ANKS1A: variants seen among roughly 807,000 people sequenced by gnomAD.
ANKS1A encodes the protein ankyrin repeat and sterile alpha motif domain containing 1A, also known as ankyrin repeat and SAM domain-containing protein 1A.
Under a neutral mutation model 120.3 loss-of-function variants are expected in ANKS1A, and 55 were observed. That is an observed-to-expected ratio of 0.46 (90% CI 0.37 to 0.57). The LOEUF is 0.57. ANKS1A is among the 20% of genes least tolerant of loss of function. The pLI is 0.00. For missense variants in ANKS1A, 1,123 were observed against 1,480.3 expected (o/e 0.76, Z 3.96); for synonymous variants, 590 against 604.7 (o/e 0.98, Z 0.36).
chr6:35,062,044 G>A (rs1046193357), intron 13 of ANKS1A, among the ~76,000 whole-genome samples: 5 of 152,254 alleles, frequency 3.3e-5, no homozygotes, highest in Admixed American at 2.0e-4. Flanking sequence ...CAAATAGCCC[G>A]AGACTCCGTA....
At chr6:35,016,437 T>C (rs1774008340) in intron 10 of ANKS1A, among the ~76,000 whole-genome samples, 1 of 152,224 alleles carries the variant, frequency 6.6e-6, no homozygotes, top group Non-Finnish European at 1.5e-5. Flanking sequence ...TGTTATTTAC[T>C]CTGATGATGT....
intron 1 of ANKS1A, among the ~76,000 whole-genome samples, chr6:34,941,416 G>A (rs1769528505): frequency 6.6e-6 from 1 of 151,090 alleles, no homozygotes; most frequent in South Asian, 2.1e-4. Flanking sequence ...TGTCTCTAAC[G>A]CTTAATATAT....
chr6:34,956,568 C>A (rs958319451), intron 1 of ANKS1A, among the ~76,000 whole-genome samples: 1 of 151,972 alleles, frequency 6.6e-6, no homozygotes, highest in Non-Finnish European at 1.5e-5. Context: ...TTGGGAAATC[C>A]CCGAAAGCCA....
intron 1 of ANKS1A, among the ~76,000 whole-genome samples, chr6:34,900,620 G>T (rs1289572411): frequency 6.6e-6 from 1 of 152,084 alleles, no homozygotes; most frequent in African/African-American, 2.4e-5. Context: ...TACACTAGTA[G>T]TATTGCCATT....
At chr6:35,095,688 T>C (rs971821820), downstream of ANKS1A, among the ~76,000 whole-genome samples, 1 of 139,010 alleles carries the variant, frequency 7.2e-6, no homozygotes, top group Non-Finnish European at 1.5e-5. Context: ...TTCTCATGCA[T>C]AAATGCCTGG....
chr6:35,067,323 G>A (rs1776825602), intron 13 of ANKS1A, among the ~76,000 whole-genome samples: 1 of 152,188 alleles, frequency 6.6e-6, no homozygotes, highest in Admixed American at 6.5e-5. Flanking sequence ...CTGGGCCCAT[G>A]CACCATGGCC....
At chr6:35,028,546 CTATATAGTGAAAAA>C (rs2127567631) in intron 11 of ANKS1A, among the ~76,000 whole-genome samples, 1 of 152,254 alleles carries the variant, frequency 6.6e-6, no homozygotes, top group Non-Finnish European at 1.5e-5. Context: ...GTACCAAAGA[CTATATAGTGAAAAA>C]TAAGTCTTCC....
Position 35,085,851 on chromosome 6 carries a change from C to T in ANKS1A, c.3218C>T (p.Ala1073Val), listed in dbSNP as rs1268494804. 10 of 1,613,620 alleles carry T rather than the reference C, an allele frequency of 6.2e-6. 1 individual carries two copies. The highest frequency in any genetic ancestry group is 5.3e-5 in the African/African-American group (4 of 74,856). Residue 1073 changes from alanine to valine, a missense_variant, in exon 22 of 24, where the codon GCG becomes GTG. Physicochemically the swap from Ala to Val is moderately conservative, Grantham distance 64. Coordinates refer to ENST00000360359, the MANE Select transcript of ANKS1A (RefSeq NM_015245.3). This position sits in a 1 kb window ranked among gnomAD's most constrained non-coding sequence, Gnocchi z 4.7. ...QLALQAQKSRATGASAAEMIE... is the reference protein window; with the variant it reads ...QLALQAQKSRVTGASAAEMIE... ...GCCCTGCAGGCCCAGAAGTCCAGGG[C>T]GACGGGCGCCTCTGCAGCTGAGATG...
At chr6:34,984,919 A>ATAAAG (rs1772103566) in intron 7 of ANKS1A, among the ~76,000 whole-genome samples, 163 bp from the exon 8 acceptor site, 2 of 152,172 alleles carry the variant, frequency 1.3e-5, no homozygotes, top group African/African-American at 2.4e-5. Flanking sequence ...AGAACAGCTG[A>ATAAAG]AACTATACGT....
rs918412548 is a variant in ANKS1A at position 35,085,076 on chromosome 6, C to T, written c.3133-690C>T. 2.6e-5 allele frequency among the ~76,000 whole-genome samples: 4 copies of T among 152,188 alleles called. No homozygotes were observed. Among genetic ancestry groups the T allele is most frequent in the African/African-American group, 9.7e-5 (4 of 41,448 alleles). On this transcript the variant is annotated intron_variant, in intron 21 of 23. Coordinates refer to ENST00000360359, the MANE Select transcript of ANKS1A (RefSeq NM_015245.3). The surrounding 1 kb of genome is among the most constrained non-coding windows in gnomAD (Gnocchi z 4.7). Reference sequence around the variant, plus strand: ...CACACTCCTGGGACCTCATCCACCCCAGTCCTCTGTTTGCTCTGGGCCAGT... The same window carrying T: ...CACACTCCTGGGACCTCATCCACCCTAGTCCTCTGTTTGCTCTGGGCCAGT...
At chr6:34,897,339 T>C (rs1767139143) in intron 1 of ANKS1A, among the ~76,000 whole-genome samples, 1 of 152,132 alleles carries the variant, frequency 6.6e-6, no homozygotes, top group African/African-American at 2.4e-5. Flanking sequence ...CTTCAGGAGG[T>C]TCTTTTTCCC....
intron 11 of ANKS1A, among the ~76,000 whole-genome samples, chr6:35,032,735 CTTTTCT>C (rs1314060058): frequency 6.6e-6 from 1 of 152,096 alleles, no homozygotes; most frequent in Non-Finnish European, 1.5e-5. Context: ...TTGGAATTTT[CTTTTCT>C]TTTTCTTTCT....
intron 1 of ANKS1A, among the ~76,000 whole-genome samples, chr6:34,947,025 A>C (rs1307243319): frequency 6.6e-6 from 1 of 152,224 alleles, no homozygotes; most frequent in East Asian, 1.9e-4. Context: ...AGCATGTTAA[A>C]GTTTGTAAAA....
chr6:34,935,082 G>A (rs1453136044), intron 1 of ANKS1A, among the ~76,000 whole-genome samples: 1 of 152,142 alleles, frequency 6.6e-6, no homozygotes, highest in African/African-American at 2.4e-5. Context: ...GACAGTGATA[G>A]GCTGGTTCCC....
intron 1 of ANKS1A, among the ~76,000 whole-genome samples, chr6:34,940,890 GAGGATGAAACTCTGTGTCAA>G (rs1253221434): frequency 6.7e-5 from 10 of 150,264 alleles, no homozygotes; most frequent in Admixed American, 6.6e-4. Flanking sequence ...CCTGGGCAAC[GAGGATGAAACTCTGTGTCAA>G]AAAAAAAAAA....
intron 1 of ANKS1A, among the ~76,000 whole-genome samples, chr6:34,945,958 C>T (rs1769767989): frequency 6.6e-6 from 1 of 150,622 alleles, no homozygotes; most frequent in South Asian, 2.1e-4. Context: ...TCTGTCTCCT[C>T]CTCTCTTTAT....
chr6:34,978,672 G>A (rs542597213), intron 3 of ANKS1A, among the ~76,000 whole-genome samples: 2 of 151,748 alleles, frequency 1.3e-5, no homozygotes, highest in Non-Finnish European at 2.9e-5. Context: ...AGGCGTGGTG[G>A]CACATATCTG....
intron 1 of ANKS1A, among the ~76,000 whole-genome samples, chr6:34,946,588 GA>G (rs35244154): frequency 1.6e-3 from 216 of 136,838 alleles, no homozygotes; most frequent in Non-Finnish European, 1.5e-3. Flanking sequence ...ACTCTGTCTT[GA>G]AAAAAAAAAA....
chr6:34,927,213 A>G (rs1218626488), intron 1 of ANKS1A, among the ~76,000 whole-genome samples: 1 of 152,048 alleles, frequency 6.6e-6, no homozygotes, highest in Admixed American at 6.6e-5. Context: ...ATGTGTGGTC[A>G]GGAGAGGCTT....
Sources: gnomAD v4.1 joint callset for allele counts (sites outside exome capture counted in the v4.1 genomes callset) on GRCh38, gnomAD v4.1.1 for gene constraint, Gnocchi (gnomAD v3.1) non-coding constraint, MANE v1.5 for transcripts, NCBI Gene and HGNC (gene_info 2026-07-23, HGNC 2026-07-21) for gene names.